TBCE: variants seen among roughly 807,000 people sequenced by gnomAD.
TBCE encodes the protein tubulin-specific chaperone E.
Under a neutral mutation model 77.0 loss-of-function variants are expected in TBCE, and 53 were observed. That is an observed-to-expected ratio of 0.69 (90% CI 0.55 to 0.87). TBCE has a LOEUF of 0.87. TBCE is among the 40% of genes least tolerant of loss of function. TBCE has a pLI of 0.00. For missense variants in TBCE, 624 were observed against 622.4 expected (o/e 1.00, Z -0.03); for synonymous variants, 235 against 241.3 (o/e 0.97, Z 0.24).
At chr1:235,377,686 C>T (rs1196641170) in intron 1 of TBCE, among the ~76,000 whole-genome samples, 1 of 148,512 alleles carries the variant, frequency 6.7e-6, no homozygotes, top group African/African-American at 2.5e-5. Flanking sequence ...GGGTCTTGCT[C>T]TGTCACCCAG....
At chr1:235,430,583 C>T in intron 6 of TBCE, 122 bp from the exon 7 acceptor site, 1 of 679,264 alleles carries the variant, frequency 1.5e-6, no homozygotes. Flanking sequence ...AATATAATTC[C>T]ATTTTAAGAT....
At chr1:235,441,459 T>C (rs190362384) in intron 13 of TBCE, 1 of 287,686 alleles carries the variant, frequency 3.5e-6, no homozygotes, top group East Asian at 8.9e-5. Flanking sequence ...TTTGAAGTAT[T>C]TGAAGGCAGT....
chr1:235,412,321 C>T (rs1290354918), intron 3 of TBCE, among the ~76,000 whole-genome samples: 2 of 129,818 alleles, frequency 1.5e-5, no homozygotes, highest in East Asian at 4.6e-4. Flanking sequence ...AGCTTCACCT[C>T]CTGGGCTCAA....
chr1:235,413,607 G>C (rs1679935275), intron 3 of TBCE, among the ~76,000 whole-genome samples: 1 of 150,676 alleles, frequency 6.6e-6, no homozygotes, highest in African/African-American at 2.4e-5. Context: ...AGGTTGCAGT[G>C]AGTCAAGATT....
chr1:235,373,306 A>T (rs1245790601), intron 1 of TBCE, among the ~76,000 whole-genome samples: 13 of 152,230 alleles, frequency 8.5e-5, no homozygotes, highest in Admixed American at 8.5e-4. Flanking sequence ...CAATTGTAGT[A>T]AAATTTAAAC....
At chr1:235,408,483 G>A (rs368719236) in intron 3 of TBCE, among the ~76,000 whole-genome samples, 2 of 148,864 alleles carry the variant, frequency 1.3e-5, no homozygotes, top group South Asian at 2.1e-4. Flanking sequence ...TGGGCAAGGC[G>A]CATCTCTGTT....
chr1:235,374,585 C>T (rs1326281391), intron 1 of TBCE, among the ~76,000 whole-genome samples: 1 of 145,686 alleles, frequency 6.9e-6, no homozygotes, highest in East Asian at 1.9e-4. Flanking sequence ...ACTGCAACCT[C>T]CGCCTCCTGG....
chr1:235,367,620 G>T (rs1015299447), intron 1 of TBCE, 116 bp downstream of exon 1: 4 of 152,748 alleles, frequency 2.6e-5, no homozygotes, highest in African/African-American at 4.8e-5. Flanking sequence ...TGCCAGAGCC[G>T]GGCGTTGCCT....
intron 2 of TBCE, among the ~76,000 whole-genome samples, chr1:235,384,584 A>C (rs1460717866): frequency 2.0e-5 from 3 of 148,040 alleles, no homozygotes; most frequent in Non-Finnish European, 4.5e-5. Context: ...TTTCTTCTAG[A>C]TTTTCTAGTT....
chr1:235,448,829 T>G lies in TBCE; in HGVS notation c.*67T>G. ...TCTGGGGTTCACCGGAAATAAATGA[T>G]TCACTGGAACAATTCTACTGTCAAA... On this transcript the variant is annotated 3_prime_UTR_variant, in exon 17 of 17. Coordinates refer to ENST00000642610, the MANE Select transcript of TBCE (RefSeq NM_003193.5). 8.7e-7 allele frequency: 1 copy of G among 1,155,402 alleles called. No individual in the cohort carries two copies. Among genetic ancestry groups the G allele is most frequent in the Non-Finnish European group, 1.3e-6 (1 of 771,500 alleles). 71.6% of individuals were successfully genotyped at this position (1,155,402 alleles called of 1,614,324 possible).
intron 2 of TBCE, among the ~76,000 whole-genome samples, chr1:235,385,154 T>C (rs1326792159): frequency 6.6e-6 from 1 of 152,218 alleles, no homozygotes; most frequent in Non-Finnish European, 1.5e-5. Context: ...TCCTGAATTC[T>C]AGTTTGATTG....
At chr1:235,424,767 C>T (rs186160566) in intron 5 of TBCE, among the ~76,000 whole-genome samples, 5 of 151,862 alleles carry the variant, frequency 3.3e-5, no homozygotes, top group East Asian at 1.9e-4. Context: ...GGCCACCCAA[C>T]GTGCTGGGAT....
At chr1:235,442,755 A>C in intron 14 of TBCE, 97 bp from the exon 15 acceptor site, 18 of 1,143,252 alleles carry the variant, frequency 1.6e-5, no homozygotes, top group Non-Finnish European at 1.9e-5. Context: ...TTTGCACTGA[A>C]TACCTCTATC....
At chr1:235,429,520 G>C (rs1424697674) in intron 6 of TBCE, 1 of 152,144 alleles carries the variant, frequency 6.6e-6, no homozygotes, top group Non-Finnish European at 1.5e-5. Flanking sequence ...TATTAAAACT[G>C]CTTGTTTATT....
intron 1 of TBCE, among the ~76,000 whole-genome samples, chr1:235,368,459 C>T (rs1293905880): frequency 7.0e-6 from 1 of 143,230 alleles, no homozygotes; most frequent in Non-Finnish European, 1.5e-5. Context: ...TTTTCATATT[C>T]TTAAGTTTTA....
At chr1:235,441,940 G>GT (rs1681904916) in intron 14 of TBCE, 58 bp downstream of exon 14, 2 of 1,453,968 alleles carry the variant, frequency 1.4e-6, no homozygotes, top group Non-Finnish European at 1.9e-6. Flanking sequence ...TGCTGAAACA[G>GT]TTAGTGTGTT....
At chr1:235,369,397 C>T (rs930600671) in intron 1 of TBCE, among the ~76,000 whole-genome samples, 2 of 152,060 alleles carry the variant, frequency 1.3e-5, no homozygotes. Context: ...ATCTCAGCTA[C>T]TCAGGAGGCT....
At chr1:235,442,738 C>G (rs1681980307) in intron 14 of TBCE, 114 bp from the exon 15 acceptor site, 1 of 957,528 alleles carries the variant, frequency 1.0e-6, no homozygotes, top group African/African-American at 1.6e-5. Flanking sequence ...TTGATTAGAC[C>G]TGCCAATTTG....
chr1:235,382,285 G>A (rs1206806450), intron 2 of TBCE, among the ~76,000 whole-genome samples: 73 of 152,148 alleles, frequency 4.8e-4, no homozygotes, highest in African/African-American at 1.6e-3. Context: ...ACGTGTGCAT[G>A]TGTCTTTATA....
Sources: allele counts gnomAD v4.1 joint callset (sites outside exome capture counted in the v4.1 genomes callset), GRCh38; gene constraint gnomAD v4.1.1; transcripts MANE v1.5; gene names NCBI Gene and HGNC (gene_info 2026-07-23, HGNC 2026-07-21).